Variants in STX8 observed in about 807,000 individuals in gnomAD.
STX8 encodes the protein syntaxin-8.
A neutral mutation model predicts 37.5 loss-of-function variants in STX8; 23 were observed. The ratio of observed to expected loss-of-function variants is 0.61; its 90% CI spans 0.44 to 0.87. The LOEUF is 0.87. Ranked by LOEUF, STX8 falls within the 40% of genes least tolerant of loss-of-function variation. STX8 has a pLI of 0.00. For missense variants in STX8, 313 were observed against 284.7 expected, an observed-to-expected ratio of 1.10 and a Z score of -0.71; for synonymous variants, 115 against 99.1, an observed-to-expected ratio of 1.16 and a Z score of -0.95.
At chr17:9,477,495 G>GA (rs1020507232) in intron 6 of STX8, among the ~76,000 whole-genome samples, 8 of 149,698 alleles carry the variant, frequency 5.3e-5, no homozygotes, top group South Asian at 2.1e-4. Context: ...CACTTGTGTG[G>GA]AAAAAAAAAG....
intron 6 of STX8, among the ~76,000 whole-genome samples, chr17:9,382,437 C>G (rs933296708): frequency 1.3e-5 from 2 of 151,922 alleles, no homozygotes; most frequent in Non-Finnish European, 2.9e-5. Flanking sequence ...GATTTTTTTT[C>G]TTTTTTAAAT....
chr17:9,436,617 G>A (rs934128928), intron 6 of STX8, among the ~76,000 whole-genome samples: 2 of 152,168 alleles, frequency 1.3e-5, no homozygotes, highest in African/African-American at 4.8e-5. Flanking sequence ...TTACGACCAC[G>A]ATCAACATAA....
At chr17:9,362,817 A>G (rs1052197181) in intron 7 of STX8, among the ~76,000 whole-genome samples, 1 of 144,188 alleles carries the variant, frequency 6.9e-6, no homozygotes, top group Non-Finnish European at 1.5e-5. Context: ...CGACAGAGTG[A>G]GACTCCGTCT....
chr17:9,403,663 CT>C, intron 6 of STX8, among the ~76,000 whole-genome samples: 1 of 151,462 alleles, frequency 6.6e-6, no homozygotes, highest in East Asian at 2.0e-4. Context: ...ATTTTTTCCC[CT>C]GAGATGGAGT....
intron 7 of STX8, among the ~76,000 whole-genome samples, chr17:9,334,460 A>G (rs1052571065): frequency 6.6e-6 from 1 of 152,198 alleles, no homozygotes; most frequent in Non-Finnish European, 1.5e-5. Flanking sequence ...GCCTAAACCC[A>G]GGAATGAACA....
intron 7 of STX8, among the ~76,000 whole-genome samples, chr17:9,346,962 T>C (rs1324267729): frequency 1.3e-5 from 2 of 152,024 alleles, no homozygotes; most frequent in Admixed American, 6.6e-5. Context: ...ACCCCGTCTC[T>C]ACTAAAAATA....
intron 7 of STX8, among the ~76,000 whole-genome samples, chr17:9,319,827 T>C (rs893592393): frequency 1.3e-5 from 2 of 151,126 alleles, no homozygotes; most frequent in Non-Finnish European, 2.9e-5. Context: ...GTCACACACT[T>C]GTAATCCGAG....
chr17:9,301,637 T>C (rs1161007612), intron 7 of STX8, among the ~76,000 whole-genome samples: 2 of 149,674 alleles, frequency 1.3e-5, no homozygotes, highest in South Asian at 2.1e-4. Context: ...CGCCTGCCAC[T>C]ATGTCCGGCC....
rs184086907 is a variant in STX8 at position 9,265,300 on chromosome 17, T to C, written c.644-14655A>G. 5.0e-3 allele frequency among the ~76,000 whole-genome samples: 766 copies of C among 152,318 alleles called. 5 individuals are homozygous for C. Among genetic ancestry groups the C allele is most frequent in the Middle Eastern group, 6.8e-3 (2 of 294 alleles). ...GGGCAAGAGGTTTCTGGGGCCCAGA[T>C]TGGGGCAGGAGAGCTCACCCTCTTG... On this transcript the variant is annotated intron_variant, in intron 7 of 7. Coordinates refer to ENST00000306357, the MANE Select transcript of STX8 (RefSeq NM_004853.3).
chr17:9,421,955 G>A (rs538709365), intron 6 of STX8, among the ~76,000 whole-genome samples: 17 of 152,172 alleles, frequency 1.1e-4, no homozygotes, highest in East Asian at 9.7e-4. Context: ...CTCCTGCTCC[G>A]GCCATGTAGG....
intron 7 of STX8, among the ~76,000 whole-genome samples, chr17:9,272,188 C>T (rs1907490812): frequency 6.6e-6 from 1 of 152,230 alleles, no homozygotes; most frequent in African/African-American, 2.4e-5. Context: ...CAAATGACCG[C>T]TCTTGCTTAG....
At chr17:9,302,436 G>A (rs1224779679) in intron 7 of STX8, among the ~76,000 whole-genome samples, 1 of 151,936 alleles carries the variant, frequency 6.6e-6, no homozygotes, top group African/African-American at 2.4e-5. Context: ...CCTTAAGTTG[G>A]CTTAATCTAA....
chr17:9,440,933 C>T (rs570916485), intron 6 of STX8, among the ~76,000 whole-genome samples: 6 of 152,238 alleles, frequency 3.9e-5, no homozygotes, highest in Admixed American at 3.9e-4. Context: ...TTCCCCAAAG[C>T]TATCACCCAC....
At chr17:9,272,490 G>A (rs755452662) in intron 7 of STX8, among the ~76,000 whole-genome samples, 16 of 152,206 alleles carry the variant, frequency 1.1e-4, no homozygotes, top group Middle Eastern at 3.2e-3. Flanking sequence ...AGCACCTGAA[G>A]AACAAAGATT....
intron 6 of STX8, among the ~76,000 whole-genome samples, chr17:9,387,361 T>A (rs1340526580): frequency 2.0e-5 from 3 of 152,096 alleles, no homozygotes; most frequent in Non-Finnish European, 4.4e-5. Flanking sequence ...AGTGGCACGA[T>A]CTCGGCTCAC....
At chr17:9,513,060 G>A (rs530759080) in intron 4 of STX8, among the ~76,000 whole-genome samples, 7 of 152,250 alleles carry the variant, frequency 4.6e-5, no homozygotes, top group African/African-American at 1.7e-4. Flanking sequence ...CTTCTGCACA[G>A]CAAAGGAAAC....
chr17:9,533,491 T>C (rs1905901563), intron 4 of STX8, among the ~76,000 whole-genome samples: 1 of 152,052 alleles, frequency 6.6e-6, no homozygotes, highest in African/African-American at 2.4e-5. Context: ...AAAAAACCGC[T>C]TGCACTTCAA....
At chr17:9,428,244 T>C (rs1913710066) in intron 6 of STX8, among the ~76,000 whole-genome samples, 1 of 150,634 alleles carries the variant, frequency 6.6e-6, no homozygotes, top group South Asian at 2.1e-4. Context: ...ACTTTTGTTT[T>C]GTTTTGTTTT....
chr17:9,469,999 A>T (rs948774559), intron 6 of STX8: 5 of 152,130 alleles, frequency 3.3e-5, no homozygotes, highest in African/African-American at 2.4e-5. Context: ...GACATAATAA[A>T]TTTTTTTTAA....
Sources: gnomAD v4.1 joint callset for allele counts (sites outside exome capture counted in the v4.1 genomes callset) on GRCh38, gnomAD v4.1.1 for gene constraint, MANE v1.5 for transcripts, NCBI Gene and HGNC (gene_info 2026-07-23, HGNC 2026-07-21) for gene names.